The following PLCXD3 variants were observed in gnomAD, a reference collection of about 807,000 sequenced individuals.
PLCXD3 encodes the protein PI-PLC X domain-containing protein 3.
Under a neutral mutation model 25.5 loss-of-function variants are expected in PLCXD3, and 19 were observed. The observed-to-expected ratio is 0.75, with a 90% CI of 0.52 to 1.09. PLCXD3 has a LOEUF of 1.09. PLCXD3 is among the 50% of genes least tolerant of loss of function. The probability of loss-of-function intolerance (pLI) is 0.00; values close to 1 mark genes in which losing one functional copy is unlikely to be tolerated. For missense variants in PLCXD3, 411 were observed against 388.1 expected (o/e 1.06, Z -0.50); for synonymous variants, 174 against 137.6 (o/e 1.26, Z -1.85).
Position 41,309,014 on chromosome 5 carries a change from C to T in PLCXD3, c.*4603G>A, listed in dbSNP as rs1580288485. On this transcript the variant is annotated 3_prime_UTR_variant, in exon 3 of 3. Coordinates refer to ENST00000377801, the MANE Select transcript of PLCXD3 (RefSeq NM_001005473.3). ...CTTAATTTCTGTTTCAATTTTAAAT[C>T]CAAATTGCAAAAACAACAAAAAAGT... 1 of 152,458 alleles carries T rather than the reference C, an allele frequency of 6.6e-6. No individual in the cohort carries two copies. The highest frequency in any genetic ancestry group is 2.1e-4 in the South Asian group (1 of 4,822). 9.4% of individuals were successfully genotyped at this position (152,458 alleles called of 1,614,324 possible).
rs142480844 is a variant in PLCXD3, at chr5:41,509,633, C to A, written c.103+791G>T. Among the ~76,000 whole-genome samples, 104 of 152,348 alleles carry A rather than the reference C, an allele frequency of 6.8e-4. No homozygotes were observed. The East Asian group carries it at 0.016, about 23-fold the overall frequency. Reference sequence around the variant, plus strand: ...TTTTCCGTACTATTTGCCTATTAATCCCACCCCTCCGCTCAGGTCACGCAG... The same window carrying A: ...TTTTCCGTACTATTTGCCTATTAATACCACCCCTCCGCTCAGGTCACGCAG... On this transcript the variant is annotated intron_variant, in intron 1 of 2. Transcript: ENST00000377801.
At chr5:41,331,452 G>C (rs1381106358) in intron 2 of PLCXD3, among the ~76,000 whole-genome samples, 6 of 152,048 alleles carry the variant, frequency 3.9e-5, no homozygotes, top group African/African-American at 7.2e-5. Context: ...AGGATACAAA[G>C]AAATGGAAGA....
At chr5:41,435,844 C>G (rs985858728) in intron 1 of PLCXD3, among the ~76,000 whole-genome samples, 3 of 152,222 alleles carry the variant, frequency 2.0e-5, no homozygotes, top group African/African-American at 4.8e-5. Context: ...TTCTCCTTCT[C>G]CCGTAAAGAA....
intron 1 of PLCXD3, among the ~76,000 whole-genome samples, chr5:41,432,510 C>T (rs1294233607): frequency 2.0e-5 from 3 of 152,142 alleles, no homozygotes; most frequent in East Asian, 3.8e-4. Context: ...GGTCTTAAAA[C>T]GTTTAGTGAT....
At chr5:41,506,658 T>G (rs1449964243) in intron 1 of PLCXD3, among the ~76,000 whole-genome samples, 1 of 152,204 alleles carries the variant, frequency 6.6e-6, no homozygotes, top group African/African-American at 2.4e-5. Flanking sequence ...AAGGGATGAC[T>G]GTTAGGGGAA....
chr5:41,470,617 A>T (rs1172031485), intron 1 of PLCXD3, among the ~76,000 whole-genome samples: 2 of 152,200 alleles, frequency 1.3e-5, no homozygotes, highest in African/African-American at 4.8e-5. Flanking sequence ...AAGGTGGACA[A>T]ATGCCACTAA....
At chr5:41,472,487 T>C (rs1280581782) in intron 1 of PLCXD3, among the ~76,000 whole-genome samples, 2 of 152,252 alleles carry the variant, frequency 1.3e-5, no homozygotes, top group Non-Finnish European at 2.9e-5. Context: ...TTAAATTGTA[T>C]GTGATAGCAT....
chr5:41,447,811 G>A (rs573306774), intron 1 of PLCXD3, among the ~76,000 whole-genome samples: 70 of 152,310 alleles, frequency 4.6e-4, no homozygotes, highest in African/African-American at 1.4e-3. Flanking sequence ...TAAAACTAGC[G>A]TAAACCTTCA....
intron 1 of PLCXD3, among the ~76,000 whole-genome samples, chr5:41,388,925 T>G (rs76487475): frequency 0.11 from 16,419 of 151,458 alleles, 1,074 homozygotes; most frequent in Admixed American, 0.17. Context: ...AAACATATAT[T>G]TTATATTTCA....
intron 1 of PLCXD3, among the ~76,000 whole-genome samples, chr5:41,452,400 A>G (rs1580380232): frequency 6.6e-6 from 1 of 152,046 alleles, no homozygotes; most frequent in Non-Finnish European, 1.5e-5. Flanking sequence ...TCTAAACTTT[A>G]TAAGCAGAGA....
chr5:41,348,041 G>A lies in PLCXD3; in HGVS notation c.812+33785C>T, dbSNP rs192478615. Among the ~76,000 whole-genome samples, 9 of 152,298 alleles carry A rather than the reference G, an allele frequency of 5.9e-5. No homozygotes were observed. In the East Asian group the frequency reaches 1.7e-3, roughly 29 times the overall value. ...TTAGAGATGTTCTCTGGCAGCTCCA[G>A]TGGATATTTGGAGAAACAAATACTT... On this transcript the variant is annotated intron_variant, in intron 2 of 2. Transcript: ENST00000377801.
At chr5:41,421,215 C>T (rs1483663217) in intron 1 of PLCXD3, among the ~76,000 whole-genome samples, 2 of 152,178 alleles carry the variant, frequency 1.3e-5, no homozygotes, top group African/African-American at 4.8e-5. Context: ...AGTCATATTT[C>T]TGTTTGTGCA....
intron 2 of PLCXD3, among the ~76,000 whole-genome samples, chr5:41,344,123 G>T (rs1175765951): frequency 6.6e-6 from 1 of 152,018 alleles, no homozygotes; most frequent in Non-Finnish European, 1.5e-5. Context: ...ATTTCAGATG[G>T]ACTTCTAAAA....
rs145148466 is a variant in PLCXD3, at chr5:41,332,984, A to G, written c.813-19214T>C. ...AGGGAGGGATAGCTTTAGGAGATAT[A>G]CCTAATGCTAAATGACGAGTTAACG... On this transcript the variant is annotated intron_variant, in intron 2 of 2. Coordinates refer to ENST00000377801, the MANE Select transcript of PLCXD3 (RefSeq NM_001005473.3). Among the ~76,000 whole-genome samples the G allele has an allele frequency of 4.0e-3, 605 of 152,266 alleles. 3 individuals are homozygous for G. Among genetic ancestry groups the G allele is most frequent in the Non-Finnish European group, 5.4e-3 (365 of 68,028 alleles).
intron 1 of PLCXD3, among the ~76,000 whole-genome samples, chr5:41,489,325 T>G (rs367652601): frequency 2.0e-5 from 3 of 152,174 alleles, no homozygotes; most frequent in East Asian, 3.8e-4. Context: ...CTGTTTTGGT[T>G]ACTGTAGCCT....
chr5:41,359,345 C>T (rs1213014473), intron 2 of PLCXD3, among the ~76,000 whole-genome samples: 1 of 152,028 alleles, frequency 6.6e-6, no homozygotes, highest in Non-Finnish European at 1.5e-5. Flanking sequence ...GTATCTGGTC[C>T]TGGACTTTTT....
chr5:41,460,779 A>G (rs1379712050), intron 1 of PLCXD3, among the ~76,000 whole-genome samples: 2 of 151,990 alleles, frequency 1.3e-5, no homozygotes, highest in African/African-American at 4.8e-5. Context: ...TACAGTTTAC[A>G]TTCTGTAAGT....
In PLCXD3 at chr5:41,312,089, T is replaced by C. The variant is rs962178696; in HGVS notation, c.*1528A>G. ...TACATAGGCAAGGATTATTGTGCTC[T>C]AAGTTTTTTTTTTTTATTTTTTAGA... is the stretch of plus-strand genomic sequence containing the variant. On this transcript the variant is annotated 3_prime_UTR_variant, in exon 3 of 3. Transcript: ENST00000377801. 6.8e-6 allele frequency: 1 copy of C among 146,800 alleles called. No individual in the cohort carries two copies. The allele number at this position is 146,800 out of a possible 1,614,324, so 9.1% of individuals were successfully genotyped here. A position where few individuals can be genotyped will look rare whatever the true frequency, so the allele number is the denominator to read the frequency against.
At chr5:41,362,433 T>C (rs1288306374) in intron 2 of PLCXD3, among the ~76,000 whole-genome samples, 1 of 152,176 alleles carries the variant, frequency 6.6e-6, no homozygotes, top group Non-Finnish European at 1.5e-5. Context: ...ATTTCTTCCA[T>C]AGGTAAAATA....
Sources: allele counts gnomAD v4.1 joint callset (sites outside exome capture counted in the v4.1 genomes callset), GRCh38; gene constraint gnomAD v4.1.1; transcripts MANE v1.5; gene names NCBI Gene and HGNC (gene_info 2026-07-23, HGNC 2026-07-21).